Variants in RAD23B observed in about 807,000 individuals in gnomAD.
RAD23B encodes RAD23 nucleotide excision repair protein B, also known as lysine-specific demethylase RAD23B.
Under a neutral mutation model 49.1 loss-of-function variants are expected in RAD23B, and 5 were observed. The ratio of observed to expected loss-of-function variants is 0.10; its 90% CI spans 0.05 to 0.21. The LOEUF (loss-of-function observed/expected upper bound fraction) is 0.21. RAD23B is among the 10% of genes least tolerant of loss of function. The pLI, the probability that RAD23B is intolerant of heterozygous loss-of-function variation, is 1.00. For missense variants in RAD23B, 356 were observed against 486.7 expected (o/e 0.73, Z 2.53); for synonymous variants, 184 against 165.4 (o/e 1.11, Z -0.86).
chr9:107,322,982 A>G (rs756523564), intron 7 of RAD23B, among the ~76,000 whole-genome samples: 2 of 152,224 alleles, frequency 1.3e-5, no homozygotes, highest in Non-Finnish European at 2.9e-5. Context: ...CTGGTATTAT[A>G]TATGGAAGAA....
In RAD23B at chr9:107,323,837, T is replaced by C. The variant is rs1587864175; in HGVS notation, c.818-53T>C. On this transcript the variant is annotated intron_variant, in intron 7 of 9. Transcript: ENST00000358015. ...CTGTCTAAATGTATTATTTAACCAC[T>C]GTTTGTGTATGTATTTACTGCTTTT... 9.4e-6 allele frequency: 14 copies of C among 1,492,780 alleles called. No homozygotes were observed. The East Asian group carries it at 3.2e-4, about 34-fold the overall frequency. 92.5% of individuals were successfully genotyped at this position (1,492,780 alleles called of 1,614,324 possible).
chr9:107,293,212 T>C (rs1186490917), intron 1 of RAD23B, among the ~76,000 whole-genome samples: 3 of 152,242 alleles, frequency 2.0e-5, no homozygotes, highest in Non-Finnish European at 4.4e-5. Context: ...ATAGAAACGA[T>C]GGCTTTTATA....
chr9:107,329,237 G>C (rs987808319), intron 9 of RAD23B, among the ~76,000 whole-genome samples: 1 of 152,178 alleles, frequency 6.6e-6, no homozygotes, highest in Non-Finnish European at 1.5e-5. Flanking sequence ...GCAGTTAGCA[G>C]CTAATTTTTA....
At chr9:107,316,432 A>T (rs1284672902) in intron 5 of RAD23B, among the ~76,000 whole-genome samples, 1 of 152,208 alleles carries the variant, frequency 6.6e-6, no homozygotes, top group African/African-American at 2.4e-5. Flanking sequence ...AAAATAGTGC[A>T]GTTCTGATTT....
At chr9:107,317,732 G>A (rs1046636103) in intron 5 of RAD23B, among the ~76,000 whole-genome samples, 2 of 151,674 alleles carry the variant, frequency 1.3e-5, no homozygotes, top group African/African-American at 2.4e-5. Context: ...CAGAAGAAAG[G>A]ATAGTTTTAA....
Position 107,290,244 on chromosome 9 carries a change from C to T in RAD23B, c.66+6549C>T, listed in dbSNP as rs73515728. Among the ~76,000 whole-genome samples, 754 of 152,288 alleles carry T rather than the reference C, an allele frequency of 5.0e-3. 7 individuals carry two copies. Among genetic ancestry groups the T allele is most frequent in the African/African-American group, 0.017 (722 of 41,556 alleles). ...ACTGTAGATAGTTCTGAATTGTGGG[C>T]GGTGCTATCTAAGGCAGGTCCTTCC... On this transcript the variant is annotated intron_variant, in intron 1 of 9. Transcript: ENST00000358015.
chr9:107,296,978 C>G (rs1167718933), intron 1 of RAD23B, among the ~76,000 whole-genome samples: 3 of 151,890 alleles, frequency 2.0e-5, no homozygotes, highest in Non-Finnish European at 4.4e-5. Context: ...CCTCAGCCTC[C>G]CGAGTAGCTG....
At chr9:107,305,172 C>G (rs1378043664) in intron 3 of RAD23B, among the ~76,000 whole-genome samples, 1 of 151,900 alleles carries the variant, frequency 6.6e-6, no homozygotes, top group Non-Finnish European at 1.5e-5. Context: ...AGTGTGAGCC[C>G]GTAGTCCCAG....
chr9:107,324,176 C>G (rs1319148587), intron 8 of RAD23B, among the ~76,000 whole-genome samples, 159 bp downstream of exon 8: 2 of 152,042 alleles, frequency 1.3e-5, no homozygotes, highest in African/African-American at 4.8e-5. Context: ...GATAGGTGTA[C>G]TAAAAAAACA....
At chr9:107,285,003 T>G in intron 1 of RAD23B, 1 of 1,238,048 alleles carries the variant, frequency 8.1e-7, no homozygotes, top group Non-Finnish European at 1.1e-6. Context: ...GTTTTACTTA[T>G]CTCATTTAAT....
intron 4 of RAD23B, among the ~76,000 whole-genome samples, chr9:107,308,218 ATTTTTTTTTTT>A (rs149392767): frequency 2.3e-5 from 3 of 130,672 alleles, no homozygotes; most frequent in African/African-American, 8.7e-5. Context: ...CATTAACTCC[ATTTTTTTTTTT>A]TTTTTTGGAG....
At position 107,323,984 on chromosome 9, in the gene RAD23B, G is replaced by A. The variant is rs762563760; in HGVS notation, c.912G>A (p.Gln304=). The change falls in exon 8 of 10, where the codon CAG becomes CAA. Residue 304 remains glutamine (Q), a synonymous_variant. Coordinates refer to ENST00000358015, the MANE Select transcript of RAD23B (RefSeq NM_002874.5). ...CTTCCTTGCTTCCAGCGTTACTACA[G>A]CAGATAGGTCGAGAGAATCCTCAAT... is the stretch of plus-strand genomic sequence containing the variant. ...QNPSLLPALL[Q]QIGRENPQLL... 2 of 1,613,460 alleles carry A rather than the reference G, an allele frequency of 1.2e-6. No homozygotes were observed. The highest frequency in any genetic ancestry group is 4.5e-5 in the East Asian group (2 of 44,844).
At chr9:107,287,070 G>A (rs1313415724) in intron 1 of RAD23B, among the ~76,000 whole-genome samples, 1 of 135,712 alleles carries the variant, frequency 7.4e-6, no homozygotes, top group Admixed American at 7.5e-5. Context: ...GCGAGACTCC[G>A]TCTCAAAAAA....
At chr9:107,315,852 T>G (rs535765242) in intron 5 of RAD23B, among the ~76,000 whole-genome samples, 1 of 152,204 alleles carries the variant, frequency 6.6e-6, no homozygotes, top group Admixed American at 6.5e-5. Flanking sequence ...TTTGGACTTT[T>G]AAGATCTAAA....
intron 5 of RAD23B, among the ~76,000 whole-genome samples, chr9:107,316,176 A>AT (rs974482696): frequency 6.6e-5 from 10 of 151,416 alleles, no homozygotes; most frequent in East Asian, 2.0e-4. Flanking sequence ...TGCCCAGCTA[A>AT]TTTTTTTTGT....
At chr9:107,287,877 T>G (rs774979810) in intron 1 of RAD23B, among the ~76,000 whole-genome samples, 18 of 151,976 alleles carry the variant, frequency 1.2e-4, no homozygotes, top group Non-Finnish European at 2.5e-4. Flanking sequence ...GTATATTGCT[T>G]TAGTACTTGC....
chr9:107,326,623 A>ATTT (rs1827209300), intron 9 of RAD23B, among the ~76,000 whole-genome samples: 1 of 86,804 alleles, frequency 1.2e-5, no homozygotes, highest in Non-Finnish European at 2.4e-5. Flanking sequence ...CAACTTTTGT[A>ATTT]TTTCTTTTTT....
Position 107,324,956 on chromosome 9 carries a change from T to C in RAD23B, c.1068T>C (p.His356=), listed in dbSNP as rs372946942. 1.7e-5 allele frequency: 28 copies of C among 1,613,682 alleles called. No homozygotes were observed. In the African/African-American group the frequency reaches 3.2e-4, roughly 18 times the overall value. The change falls in exon 9 of 10, where the codon CAT becomes CAC. Residue 356 remains histidine, a synonymous_variant. Transcript: ENST00000358015. ...SGGIAEAGSG[H]MNYIQVTPQE... is the part of the protein sequence containing the mutation. ...GAATTGCAGAAGCTGGAAGTGGTCA[T>C]ATGAACTACATTCAAGTAACACCTC...
At chr9:107,293,820 G>A (rs1833432976) in intron 1 of RAD23B, among the ~76,000 whole-genome samples, 1 of 152,170 alleles carries the variant, frequency 6.6e-6, no homozygotes, top group Non-Finnish European at 1.5e-5. Context: ...GTCTTGCTCT[G>A]TTGCTCAGGC....
Sources: allele counts gnomAD v4.1 joint callset (sites outside exome capture counted in the v4.1 genomes callset), GRCh38; gene constraint gnomAD v4.1.1; transcripts MANE v1.5; gene names NCBI Gene and HGNC (gene_info 2026-07-23, HGNC 2026-07-21).